Variants in B3GALNT2 observed in about 807,000 individuals in gnomAD.
B3GALNT2 encodes beta-1,3-N-acetylgalactosaminyltransferase 2.
B3GALNT2 carries 53 observed loss-of-function variants against 61.1 expected under a neutral mutation model. That is an observed-to-expected ratio of 0.87 (90% confidence interval 0.70 to 1.09). The LOEUF (loss-of-function observed/expected upper bound fraction) is 1.09. B3GALNT2 is among the 50% of genes least tolerant of loss of function. The pLI is 0.00. For missense variants in B3GALNT2, 544 were observed against 623.0 expected (o/e 0.87, Z 1.35); for synonymous variants, 223 against 237.4 (o/e 0.94, Z 0.56).
At chr1:235,447,140 C>G (rs1238332662), downstream of B3GALNT2, among the ~76,000 whole-genome samples, 2 of 152,110 alleles carry the variant, frequency 1.3e-5, no homozygotes, top group Non-Finnish European at 2.9e-5. Context: ...CACATATTCA[C>G]ACATGAAAGA....
chr1:235,486,253 G>A lies in B3GALNT2; in HGVS notation c.362-1738C>T, dbSNP rs187916190. Among the ~76,000 whole-genome samples, 4 of 152,260 alleles carry A rather than the reference G, an allele frequency of 2.6e-5. No homozygotes were observed. In the East Asian group the frequency reaches 5.8e-4, roughly 22 times the overall value. The stretch of plus-strand genomic sequence containing the variant: ...TAGACATGAACAGGAGGGAAAAAAG[G>A]GAGAATACAGTTTTTTGTCATGGGC... On this transcript the variant is annotated intron_variant, in intron 3 of 11. Coordinates refer to ENST00000366600, the MANE Select transcript of B3GALNT2 (RefSeq NM_152490.5).
At chr1:235,454,046 C>T in intron 10 of B3GALNT2, 110 bp downstream of exon 10, 16 of 1,018,796 alleles carry the variant, frequency 1.6e-5, no homozygotes, top group East Asian at 2.8e-5. Flanking sequence ...GCTATGTTAC[C>T]CAGGCTGGTC....
intron 5 of B3GALNT2, among the ~76,000 whole-genome samples, chr1:235,474,972 TA>T (rs1558425286): frequency 0.052 from 2,096 of 40,190 alleles, 188 homozygotes; most frequent in African/African-American, 0.072. Flanking sequence ...TATATATATA[TA>T]TATATATATA....
At chr1:235,481,801 T>C (rs1684575625) in intron 4 of B3GALNT2, among the ~76,000 whole-genome samples, 1 of 152,208 alleles carries the variant, frequency 6.6e-6, no homozygotes, top group Admixed American at 6.5e-5. Context: ...ACTACAATCA[T>C]ATATGGACTC....
At chr1:235,481,570 C>T (rs1243567227) in intron 4 of B3GALNT2, among the ~76,000 whole-genome samples, 2 of 152,128 alleles carry the variant, frequency 1.3e-5, no homozygotes, top group African/African-American at 4.8e-5. Context: ...TCTCTAACTC[C>T]TGGGCTGAAG....
chr1:235,453,229 T>C, intron 10 of B3GALNT2, 83 bp from the exon 11 acceptor site: 1 of 1,323,894 alleles, frequency 7.6e-7, no homozygotes, highest in African/African-American at 1.5e-5. Context: ...ACTCCCATCA[T>C]AAACCACCTT....
intron 5 of B3GALNT2, among the ~76,000 whole-genome samples, chr1:235,474,983 A>ATTTTTTT (rs1558425497): frequency 5.1e-5 from 2 of 39,006 alleles, no homozygotes; most frequent in South Asian, 9.4e-4. Flanking sequence ...ATATATATAT[A>ATTTTTTT]TATATTTTTT....
chr1:235,442,301 G>A (rs1487760299), downstream of B3GALNT2, among the ~76,000 whole-genome samples: 1 of 152,186 alleles, frequency 6.6e-6, no homozygotes, highest in African/African-American at 2.4e-5. Flanking sequence ...CTCCCGAGTA[G>A]CTGGGATTAC....
chr1:235,477,844 T>C (rs892959266), intron 5 of B3GALNT2, among the ~76,000 whole-genome samples: 2 of 152,230 alleles, frequency 1.3e-5, no homozygotes, highest in Admixed American at 6.5e-5. Context: ...ACAACATCTA[T>C]TGATCTACTG....
chr1:235,480,049 T>G lies in B3GALNT2; in HGVS notation c.651+5A>C, dbSNP rs750146613. 14 of 1,613,656 alleles carry G rather than the reference T, an allele frequency of 8.7e-6. No homozygotes were observed. Among genetic ancestry groups the G allele is most frequent in the Admixed American group, 1.7e-5 (1 of 59,976 alleles). ...GTACTACAGTCTTTTCCTGCCATCC[T>G]GTACCTCTGGTAAGATGAATTGTTC... On this transcript the variant is annotated splice_donor_5th_base_variant and intron_variant, in intron 5 of 11. Coordinates refer to ENST00000366600, the MANE Select transcript of B3GALNT2 (RefSeq NM_152490.5).
At chr1:235,457,290 G>A (rs1393339185) in intron 8 of B3GALNT2, among the ~76,000 whole-genome samples, 1 of 151,920 alleles carries the variant, frequency 6.6e-6, no homozygotes, top group Non-Finnish European at 1.5e-5. Flanking sequence ...ACAGACCCTG[G>A]GCCTCACACC....
At chr1:235,486,967 G>A (rs1311095440) in intron 3 of B3GALNT2, among the ~76,000 whole-genome samples, 1 of 152,056 alleles carries the variant, frequency 6.6e-6, no homozygotes, top group East Asian at 1.9e-4. Context: ...TCAGGAGTTT[G>A]AGACTAGCCT....
At chr1:235,470,569 C>A (rs1488839304) in intron 6 of B3GALNT2, among the ~76,000 whole-genome samples, 6 of 112,700 alleles carry the variant, frequency 5.3e-5, no homozygotes, top group Admixed American at 1.8e-4. Flanking sequence ...CAAAGTGAGA[C>A]CCTCTCAAAA....
Position 235,491,634 on chromosome 1 carries a change from C to A in B3GALNT2, c.261-2366G>T, listed in dbSNP as rs544302521. Among the ~76,000 whole-genome samples, 25 of 152,070 alleles carry A rather than the reference C, an allele frequency of 1.6e-4. No homozygotes were observed. The South Asian group carries it at 5.2e-3, about 32-fold the overall frequency. On this transcript the variant is annotated intron_variant, in intron 2 of 11. Transcript: ENST00000366600. ...GTCAGAACACTAGCAATCTTCCTAG[C>A]CTCCTCCTCCATTTTCTACATTCAA...
chr1:235,443,172 A>G (rs1162868763), downstream of B3GALNT2, among the ~76,000 whole-genome samples: 1 of 138,924 alleles, frequency 7.2e-6, no homozygotes, highest in Non-Finnish European at 1.5e-5. Flanking sequence ...AATTACACAC[A>G]CACACACACA....
intron 6 of B3GALNT2, among the ~76,000 whole-genome samples, chr1:235,468,060 G>C (rs988634149): frequency 6.6e-6 from 1 of 152,194 alleles, no homozygotes; most frequent in African/African-American, 2.4e-5. Context: ...GATTACAGGC[G>C]TGAGCCACAG....
Position 235,448,415 on chromosome 1 carries a change from T to A in B3GALNT2, c.*1791A>T. The A allele has an allele frequency of 6.2e-7, 1 of 1,614,128 alleles. No individual in the cohort carries two copies. Among genetic ancestry groups the A allele is most frequent in the Non-Finnish European group, 8.5e-7 (1 of 1,180,020 alleles). On this transcript the variant is annotated 3_prime_UTR_variant, in exon 12 of 12. Transcript: ENST00000366600. ...CTTCTCAAAGTTCCTGTGTCAGACC[T>A]TCTGTTGTCCTATGAAAGTCCCAAA...
chr1:235,502,859 T>A (rs704718), intron 1 of B3GALNT2, among the ~76,000 whole-genome samples: 68,402 of 152,070 alleles, frequency 0.45, 16,045 homozygotes, highest in Non-Finnish European at 0.5. Flanking sequence ...ATTTTTTATA[T>A]ATGGCGTTCT....
chr1:235,478,557 C>A (rs550420449), intron 5 of B3GALNT2, among the ~76,000 whole-genome samples: 1 of 152,270 alleles, frequency 6.6e-6, no homozygotes, highest in East Asian at 1.9e-4. Context: ...CCCTTCGACC[C>A]AACAATTCAT....
Sources: gnomAD v4.1 joint callset for allele counts (sites outside exome capture counted in the v4.1 genomes callset) on GRCh38, gnomAD v4.1.1 for gene constraint, MANE v1.5 for transcripts, NCBI Gene and HGNC (gene_info 2026-07-23, HGNC 2026-07-21) for gene names.